Variants in KIF17 observed in about 807,000 individuals in gnomAD.
KIF17 encodes the protein kinesin family member 17, also known as kinesin-like protein KIF17.
A neutral mutation model predicts 96.8 loss-of-function variants in KIF17; 80 were observed. The observed-to-expected ratio is 0.83, with a 90% confidence interval of 0.69 to 1.00. KIF17 has a LOEUF of 1.00. Among genes scored for constraint, KIF17 ranks in the 50% least tolerant of loss-of-function variants. The pLI is 0.00. For synonymous variants in KIF17, 567 were observed against 587.5 expected (o/e 0.97, Z 0.51); for missense variants, 1,280 against 1,372.9 (o/e 0.93, Z 1.07).
At position 20,690,314 on chromosome 1, in the gene KIF17, GGGCCAGGCGCTCTTCATACTCCT is replaced by G; in HGVS notation, c.1234-2_1254del. On this transcript the variant is annotated splice_acceptor_variant and coding_sequence_variant, in exon 7 of 15. Transcript: ENST00000400463. LOFTEE classifies it high-confidence loss of function. ...TCGGCCTTATAGTCGGCTTTCAGCCGGGCCAGGCGCTCTTCATACTCCTGGGGGGGTGGGAGGGACCAGAGGGC... is the reference window on the plus strand; with the variant it reads ...TCGGCCTTATAGTCGGCTTTCAGCCGGGGGGGGTGGGAGGGACCAGAGGGC... 1 of 1,610,668 alleles carries G rather than the reference GGGCCAGGCGCTCTTCATACTCCT, an allele frequency of 6.2e-7. No homozygotes were observed.
Position 20,664,388 on chromosome 1 carries a change from C to T in KIF17, c.*196G>A, listed in dbSNP as rs2053486910. On this transcript the variant is annotated 3_prime_UTR_variant, in exon 15 of 15. Coordinates refer to ENST00000400463, the MANE Select transcript of KIF17 (RefSeq NM_001122819.3). ...GCCTCTCTAAGGAGGACTATACAGC[C>T]TCCGAGGGGCTCCTGCCCAGGGCGG... The T allele has an allele frequency of 1.4e-6, 2 of 1,479,630 alleles. No homozygotes were observed. The highest frequency in any genetic ancestry group is 1.8e-6 in the Non-Finnish European group (2 of 1,119,566). The allele number at this position is 1,479,630 out of a possible 1,614,324, so 91.7% of individuals were successfully genotyped here. A position where few individuals can be genotyped will look rare whatever the true frequency, so the allele number is the denominator to read the frequency against.
chr1:20,670,181 C>T (rs960424361), intron 13 of KIF17, among the ~76,000 whole-genome samples: 11 of 152,032 alleles, frequency 7.2e-5, no homozygotes, highest in Admixed American at 2.0e-4. Flanking sequence ...GATGGGCCAC[C>T]GAACCATCTA....
At chr1:20,701,713 T>A (rs958527945) in intron 5 of KIF17, among the ~76,000 whole-genome samples, 1 of 151,876 alleles carries the variant, frequency 6.6e-6, no homozygotes, top group Admixed American at 6.6e-5. Context: ...AGGGAGGGGA[T>A]CTGCTGAGCC....
intron 12 of KIF17, among the ~76,000 whole-genome samples, chr1:20,671,195 C>T (rs2053641865): frequency 6.6e-6 from 1 of 152,206 alleles, no homozygotes; most frequent in African/African-American, 2.4e-5. Flanking sequence ...GGTAGAAAAC[C>T]TGTCTTCTCA....
chr1:20,673,842 T>TA (rs1201184897), intron 11 of KIF17, among the ~76,000 whole-genome samples: 2 of 152,020 alleles, frequency 1.3e-5, no homozygotes, highest in African/African-American at 4.8e-5. Context: ...CTCCATTTCT[T>TA]AGACTGGGTA....
chr1:20,670,958 A>T (rs1328762663), intron 12 of KIF17, among the ~76,000 whole-genome samples: 1 of 152,202 alleles, frequency 6.6e-6, no homozygotes. Context: ...TCTGAGACTC[A>T]TCAGAGGTGA....
rs1213595655 is a variant in KIF17 at position 20,712,836 on chromosome 1, T to A, written c.480+618A>T. ...ATATATAATATAGATATTATCTATATTATAGATATAGATAATATTATCTAT... is the reference window on the plus strand; with the variant it reads ...ATATATAATATAGATATTATCTATAATATAGATATAGATAATATTATCTAT... On this transcript the variant is annotated intron_variant, in intron 3 of 14. Coordinates refer to ENST00000400463, the MANE Select transcript of KIF17 (RefSeq NM_001122819.3). Among the ~76,000 whole-genome samples the A allele has an allele frequency of 2.3e-4, 4 of 17,106 alleles. 1 individual carries two copies. The highest frequency in any genetic ancestry group is 6.7e-4 in the Non-Finnish European group (4 of 6,008). 11.2% of individuals were successfully genotyped at this position (17,106 alleles called of 152,430 possible).
chr1:20,699,747 A>G lies in KIF17; in HGVS notation c.1124-1259T>C, dbSNP rs2054201402. Among the ~76,000 whole-genome samples, 1 of 151,730 alleles carries G rather than the reference A, an allele frequency of 6.6e-6. No homozygotes were observed. Among genetic ancestry groups the G allele is most frequent in the Non-Finnish European group, 1.5e-5 (1 of 68,014 alleles). On this transcript the variant is annotated intron_variant, in intron 5 of 14. Transcript: ENST00000400463. This position sits in a 1 kb window ranked among gnomAD's most constrained non-coding sequence, Gnocchi z 4.3. ...GGCCCTGAGGCGGTTGTGAGACTGCACTGTTCCTGGCCCAGCCAGGAGGCC... is the reference window on the plus strand; with the variant it reads ...GGCCCTGAGGCGGTTGTGAGACTGCGCTGTTCCTGGCCCAGCCAGGAGGCC...
rs34630887 is a variant in KIF17 at position 20,675,447 on chromosome 1, CAA to C, written c.2464-3253_2464-3252del. On this transcript the variant is annotated intron_variant, in intron 11 of 14. Transcript: ENST00000400463. ...TGGGCGACAAAGCGAGACTCTGTCT[CAA>C]AAAAAAAAAAAAAATTAATTGATGA... Among the ~76,000 whole-genome samples, 27 of 121,986 alleles carry C rather than the reference CAA, an allele frequency of 2.2e-4. 1 individual carries two copies. The highest frequency in any genetic ancestry group is 2.6e-4 in the African/African-American group (8 of 31,118). 80.0% of individuals were successfully genotyped at this position (121,986 alleles called of 152,430 possible).
chr1:20,686,421 G>C (rs1220170629), intron 8 of KIF17: 1 of 519,594 alleles, frequency 1.9e-6, no homozygotes, highest in Non-Finnish European at 3.5e-6. Flanking sequence ...ACCCAGCCCA[G>C]AAAGGTCACA....
chr1:20,716,084 T>C (rs765928891), intron 1 of KIF17, among the ~76,000 whole-genome samples: 4 of 152,008 alleles, frequency 2.6e-5, no homozygotes, highest in African/African-American at 4.8e-5. Context: ...CTGTCTCTAC[T>C]AAAAATACGA....
intron 4 of KIF17, among the ~76,000 whole-genome samples, chr1:20,707,781 ATGTGTATGTGTG>A (rs1222318698): frequency 2.5e-4 from 23 of 90,934 alleles, no homozygotes; most frequent in African/African-American, 9.5e-4. Context: ...AAACAAACCA[ATGTGTATGTGTG>A]TGTGTGTGTG....
intron 11 of KIF17, among the ~76,000 whole-genome samples, chr1:20,679,750 A>C (rs1301033576): frequency 6.6e-6 from 1 of 152,122 alleles, no homozygotes; most frequent in Non-Finnish European, 1.5e-5. Flanking sequence ...CATTGGACTA[A>C]ATTGTGCCAA....
chr1:20,669,501 A>G lies in KIF17; in HGVS notation c.2790+920T>C, dbSNP rs559697620. On this transcript the variant is annotated intron_variant, in intron 13 of 14. Transcript: ENST00000400463. ...CAGTGAGCCGAGATCGCACCACTGC[A>G]CTCTAGCATGGGCGACAGAGCGAGA... Among the ~76,000 whole-genome samples the G allele has an allele frequency of 3.1e-4, 46 of 150,260 alleles. No individual in the cohort carries two copies. In the East Asian group the frequency reaches 7.7e-3, roughly 25 times the overall value.
chr1:20,684,206 G>A (rs920233633), intron 10 of KIF17, among the ~76,000 whole-genome samples: 20 of 152,350 alleles, frequency 1.3e-4, no homozygotes, highest in African/African-American at 4.8e-4. Context: ...TGGCCTGTGG[G>A]CCCTTGGGGC....
At position 20,703,526 on chromosome 1, in the gene KIF17, GGATA is replaced by G. The variant is rs1453526994; in HGVS notation, c.1123+917_1123+920del. On this transcript the variant is annotated intron_variant, in intron 5 of 14. Transcript: ENST00000400463. ...TGGATGGATGGATGGATGGATGGAT[GGATA>G]GATGTATAGGTGGGTGAGTGGGTGG... 1.2e-3 allele frequency among the ~76,000 whole-genome samples: 165 copies of G among 138,660 alleles called. 1 individual carries two copies. Among genetic ancestry groups the G allele is most frequent in the Non-Finnish European group, 1.6e-3 (101 of 62,640 alleles). The allele number at this position is 138,660 out of a possible 152,430, so 91.0% of individuals were successfully genotyped here. A position where few individuals can be genotyped will look rare whatever the true frequency, so the allele number is the denominator to read the frequency against.
At position 20,684,908 on chromosome 1, in the gene KIF17, G is replaced by T; in HGVS notation, c.2132C>A (p.Pro711Gln). 1 of 1,595,680 alleles carries T rather than the reference G, an allele frequency of 6.3e-7. No individual in the cohort carries two copies. Reference sequence around the variant, plus strand: ...CTCCCTCTTCACACCAGCTGTGGCCGGCAGGGGCTCAGGCTGAGCCACCAG... The same window carrying T: ...CTCCCTCTTCACACCAGCTGTGGCCTGCAGGGGCTCAGGCTGAGCCACCAG... ...VALVAQPEPLPATAGVKRESV... is the reference protein window; with the variant it reads ...VALVAQPEPLQATAGVKRESV... Residue 711 changes from proline to glutamine, a missense_variant, in exon 10 of 15, where the codon CCG (proline) becomes CAG (glutamine). By Grantham distance (76) the Pro-to-Gln change is moderately conservative. Transcript: ENST00000400463.
rs185642485 is a variant in KIF17 at position 20,704,267 on chromosome 1, G to A, written c.1123+180C>T. Reference sequence around the variant, plus strand: ...CGGACTGCCCTCCTCCCAGGACACTGACAAGCAGATACCATCTGGGCCGTC... The same window carrying A: ...CGGACTGCCCTCCTCCCAGGACACTAACAAGCAGATACCATCTGGGCCGTC... On this transcript the variant is annotated intron_variant, in intron 5 of 14. Coordinates refer to ENST00000400463, the MANE Select transcript of KIF17 (RefSeq NM_001122819.3). This position sits in a 1 kb window ranked among gnomAD's most constrained non-coding sequence, Gnocchi z 6.8. 2.2e-3 allele frequency among the ~76,000 whole-genome samples: 329 copies of A among 152,268 alleles called. No individual in the cohort carries two copies. The highest frequency in any genetic ancestry group is 7.5e-3 in the African/African-American group (313 of 41,542).
At chr1:20,686,990 AC>A (rs916520578) in intron 8 of KIF17, among the ~76,000 whole-genome samples, 1 of 150,684 alleles carries the variant, frequency 6.6e-6, no homozygotes, top group Non-Finnish European at 1.5e-5. Flanking sequence ...ATTCCCACAG[AC>A]CCCCCACCCA....
Sources: gnomAD v4.1 joint callset for allele counts (sites outside exome capture counted in the v4.1 genomes callset) on GRCh38, gnomAD v4.1.1 for gene constraint, Gnocchi (gnomAD v3.1) non-coding constraint, MANE v1.5 for transcripts, NCBI Gene and HGNC (gene_info 2026-07-23, HGNC 2026-07-21) for gene names.